MTSS1: variants seen among roughly 807,000 people sequenced by gnomAD.
MTSS1 encodes the protein protein MTSS 1.
MTSS1 carries 18 observed loss-of-function variants against 79.0 expected under a neutral mutation model. The observed-to-expected ratio is 0.23, with a 90% CI of 0.16 to 0.34. The LOEUF is 0.34. MTSS1 is among the 10% of genes least tolerant of loss of function. The probability of loss-of-function intolerance (pLI) is 1.00; values close to 1 mark genes in which losing one functional copy is unlikely to be tolerated. For missense variants in MTSS1, 815 were observed against 986.2 expected (o/e 0.83, Z 2.33); for synonymous variants, 341 against 368.6 (o/e 0.93, Z 0.86).
At position 124,639,909 on chromosome 8, in the gene MTSS1, T is replaced by C. The variant is rs1455394521; in HGVS notation, c.209-48674A>G. 2.8e-5 allele frequency among the ~76,000 whole-genome samples: 4 copies of C among 141,404 alleles called. No individual in the cohort carries two copies. The East Asian group carries it at 1.1e-3, about 38-fold the overall frequency. 92.8% of individuals were successfully genotyped at this position (141,404 alleles called of 152,430 possible). A position where few individuals can be genotyped will look rare whatever the true frequency, so the allele number is the denominator to read the frequency against. ...TAAACATTATAAGTAGGCAGAACAA[T>C]ATAAACAGTTTATGACATTTGGCTG... On this transcript the variant is annotated intron_variant, in intron 3 of 13. Transcript: ENST00000518547.
rs1822500242 is a variant in MTSS1, at chr8:124,551,407, G to T, written c.*1585C>A. The stretch of plus-strand genomic sequence containing the variant: ...CATAAAATGTCCTTGAGCAATCGCA[G>T]CAGTGTTCAATGTTAATATATAGAA... On this transcript the variant is annotated 3_prime_UTR_variant, in exon 14 of 14. Coordinates refer to ENST00000518547, the MANE Select transcript of MTSS1 (RefSeq NM_014751.6). 1 of 152,642 alleles carries T rather than the reference G, an allele frequency of 6.6e-6. No homozygotes were observed. Among genetic ancestry groups the T allele is most frequent in the African/African-American group, 2.4e-5 (1 of 41,452 alleles). The allele number at this position is 152,642 out of a possible 1,614,324, so 9.5% of individuals were successfully genotyped here.
chr8:124,692,589 C>T (rs1828126468), intron 3 of MTSS1, among the ~76,000 whole-genome samples: 1 of 152,196 alleles, frequency 6.6e-6, no homozygotes, highest in Admixed American at 6.5e-5. Flanking sequence ...AGCACCTTCT[C>T]CCCTCAGAGG....
At chr8:124,577,358 T>G (rs1829156884) in intron 6 of MTSS1, among the ~76,000 whole-genome samples, 1 of 152,220 alleles carries the variant, frequency 6.6e-6, no homozygotes, top group South Asian at 2.1e-4. Context: ...TAAGCGATTC[T>G]TCTGCCTCAG....
In MTSS1 at chr8:124,578,623, C is replaced by T. The variant is rs550728634; in HGVS notation, c.460+6464G>A. 6.6e-5 allele frequency among the ~76,000 whole-genome samples: 10 copies of T among 151,996 alleles called. No homozygotes were observed. The East Asian group carries it at 1.8e-3, about 27-fold the overall frequency. On this transcript the variant is annotated intron_variant, in intron 6 of 13. Transcript: ENST00000518547. ...CATCCTGCCTAACATGGCAAAACCC[C>T]GTCTCTACTAAAAATAGAAAAATTT... is the stretch of plus-strand genomic sequence containing the variant.
chr8:124,556,380 T>C lies in MTSS1; in HGVS notation c.1256A>G (p.Asp419Gly). The change falls in exon 12 of 14, where the codon GAC becomes GGC. Residue 419 changes from aspartate to glycine, a missense_variant. Around this residue, in one of 2 missense-constraint regions of MTSS1, gnomAD observed 590 missense variants for 620.8 expected, o/e 0.95. Transcript: ENST00000518547. ...WKDWAKPGPY[D>G]QPLVNTLQRR... ...CTGCAGGGTGTTCACCAGAGGCTGG[T>C]CATAGGGCCCAGGCTTAGCCCAGTC... 3.1e-6 allele frequency: 5 copies of C among 1,613,784 alleles called. No individual in the cohort carries two copies. The highest frequency in any genetic ancestry group is 2.2e-5 in the South Asian group (2 of 91,050).
At chr8:124,592,177 C>T (rs773273099) in intron 3 of MTSS1, among the ~76,000 whole-genome samples, 1 of 152,124 alleles carries the variant, frequency 6.6e-6, no homozygotes, top group Non-Finnish European at 1.5e-5. Context: ...TTGATTTTCC[C>T]GAAATTCTCA....
At chr8:124,716,426 CAT>C (rs1831993999) in intron 1 of MTSS1, among the ~76,000 whole-genome samples, 2 of 152,206 alleles carry the variant, frequency 1.3e-5, no homozygotes, top group African/African-American at 2.4e-5. Context: ...GATGGGGACA[CAT>C]GTGCGGGAGA....
intron 3 of MTSS1, among the ~76,000 whole-genome samples, chr8:124,614,887 G>T (rs1836548724): frequency 6.6e-6 from 1 of 152,172 alleles, no homozygotes; most frequent in Non-Finnish European, 1.5e-5. Flanking sequence ...CAATAAAATA[G>T]TCCTTGCCCT....
chr8:124,568,586 G>C (rs1387167085), intron 6 of MTSS1, 50 bp from the exon 7 acceptor site: 2 of 1,612,244 alleles, frequency 1.2e-6, no homozygotes, highest in Non-Finnish European at 1.7e-6. Flanking sequence ...CCAGCTTCTG[G>C]AACAAGTGCC....
chr8:124,701,482 C>T (rs1308273353), intron 2 of MTSS1, among the ~76,000 whole-genome samples: 1 of 152,136 alleles, frequency 6.6e-6, no homozygotes, highest in Non-Finnish European at 1.5e-5. Flanking sequence ...CACTTTGAAG[C>T]ATATTTTTTA....
Position 124,589,627 on chromosome 8 carries a change from G to T in MTSS1, c.378C>A (p.His126Gln), listed in dbSNP as rs202019884. 1 of 1,612,560 alleles carries T rather than the reference G, an allele frequency of 6.2e-7. No individual in the cohort carries two copies. Among genetic ancestry groups the T allele is most frequent in the African/African-American group, 1.3e-5 (1 of 74,792 alleles). The change falls in exon 5 of 14, where the codon CAC becomes CAA. Residue 126 changes from histidine to glutamine, a missense_variant. Around this residue, in one of 2 missense-constraint regions of MTSS1, gnomAD observed 225 missense variants for 365.4 expected, o/e 0.62. Transcript: ENST00000518547. The part of the protein sequence containing the change: ...KKVANQLDKD[H>Q]AKEYKKARQE... The stretch of plus-strand genomic sequence containing the variant: ...GACATCTCGCCCCTGTACCTTTTGC[G>T]TGGTCTTTATCCAGCTGGTTGGCCA...
At position 124,697,452 on chromosome 8, in the gene MTSS1, C is replaced by T. The variant is rs1026342617; in HGVS notation, c.208+2074G>A. ...GCACATGCCTGTAATCCCAGCTACA[C>T]GGGAGGCTGAGGCAGGAGAATTGCT... On this transcript the variant is annotated intron_variant, in intron 3 of 13. Coordinates refer to ENST00000518547, the MANE Select transcript of MTSS1 (RefSeq NM_014751.6). Among the ~76,000 whole-genome samples, 4 of 151,500 alleles carry T rather than the reference C, an allele frequency of 2.6e-5. No homozygotes were observed. In the South Asian group the frequency reaches 6.3e-4, roughly 24 times the overall value.
At chr8:124,716,432 C>T (rs369059963) in intron 1 of MTSS1, among the ~76,000 whole-genome samples, 13 of 152,284 alleles carry the variant, frequency 8.5e-5, no homozygotes, top group South Asian at 2.1e-4. Flanking sequence ...GACACATGTG[C>T]GGGAGATAGC....
rs1216213885 is a variant in MTSS1, at chr8:124,699,698, C to T, written c.135-99G>A. 19 of 1,079,530 alleles carry T rather than the reference C, an allele frequency of 1.8e-5. No individual in the cohort carries two copies. The East Asian group carries it at 4.3e-4, about 24-fold the overall frequency. 66.9% of individuals were successfully genotyped at this position (1,079,530 alleles called of 1,614,324 possible). A position where few individuals can be genotyped will look rare whatever the true frequency, so the allele number is the denominator to read the frequency against. On this transcript the variant is annotated intron_variant, in intron 2 of 13. Coordinates refer to ENST00000518547, the MANE Select transcript of MTSS1 (RefSeq NM_014751.6). ...AACCTCTGCTAAGGAGTACATGTAA[C>T]CTTCCTCCAGAAATAACTCAACTGA...
intron 3 of MTSS1, among the ~76,000 whole-genome samples, chr8:124,681,860 T>C (rs28540963): frequency 0.33 from 50,146 of 152,178 alleles, 8,697 homozygotes; most frequent in Middle Eastern, 0.41. Flanking sequence ...GCCCAGAGCA[T>C]AGTGCCTGAC....
At chr8:124,647,604 T>TA (rs11394288) in intron 3 of MTSS1, among the ~76,000 whole-genome samples, 45,436 of 151,260 alleles carry the variant, frequency 0.3, 9,015 homozygotes, top group African/African-American at 0.57. Context: ...TGTTCTAATA[T>TA]AAAAAAAAAG....
chr8:124,567,765 T>G (rs961948795), intron 7 of MTSS1: 10 of 1,527,758 alleles, frequency 6.5e-6, no homozygotes, highest in Non-Finnish European at 8.8e-6. Context: ...ATGGAAAAGT[T>G]CTGTGCTCAG....
At chr8:124,670,195 G>C (rs1249825379) in intron 3 of MTSS1, among the ~76,000 whole-genome samples, 1 of 152,116 alleles carries the variant, frequency 6.6e-6, no homozygotes, top group Non-Finnish European at 1.5e-5. Flanking sequence ...TTTGCTGGGC[G>C]GTCAGAAAAG....
intron 1 of MTSS1, among the ~76,000 whole-genome samples, chr8:124,719,549 A>G (rs1037663063): frequency 5.3e-5 from 8 of 152,156 alleles, no homozygotes; most frequent in African/African-American, 1.9e-4. Flanking sequence ...CAGGGCAATG[A>G]CTGTCTATAC....
Sources: allele counts gnomAD v4.1 joint callset (sites outside exome capture counted in the v4.1 genomes callset), GRCh38; gene constraint gnomAD v4.1.1; regional missense constraint gnomAD v4.1.1; transcripts MANE v1.5; gene names NCBI Gene and HGNC (gene_info 2026-07-23, HGNC 2026-07-21).